The following IRF8 variants were observed in gnomAD, a reference collection of about 807,000 sequenced individuals.
IRF8 encodes interferon regulatory factor 8.
In IRF8, 14 loss-of-function variants were observed where a neutral mutation model predicts 48.7. That is an observed-to-expected ratio of 0.29 (90% confidence interval 0.19 to 0.45). The LOEUF is 0.45. Among genes scored for constraint, IRF8 ranks in the 20% least tolerant of loss-of-function variants. The probability of loss-of-function intolerance (pLI) is 1.00; values close to 1 mark genes in which losing one functional copy is unlikely to be tolerated. For missense variants in IRF8, 493 were observed against 580.7 expected (o/e 0.85, Z 1.55); for synonymous variants, 278 against 227.3 (o/e 1.22, Z -2.01).
chr16:85,905,075 C>T (rs9940980), intron 2 of IRF8, among the ~76,000 whole-genome samples: 27,612 of 152,020 alleles, frequency 0.18, 2,944 homozygotes, highest in African/African-American at 0.29. Context: ...ATCCCCTCCC[C>T]TACTGTCACA....
intron 3 of IRF8, among the ~76,000 whole-genome samples, chr16:85,911,193 C>T (rs1005678149): frequency 5.9e-5 from 9 of 152,238 alleles, no homozygotes; most frequent in East Asian, 1.9e-4. Context: ...GCCAGGAAAT[C>T]GGTGAGTGTT....
At chr16:85,905,548 C>G (rs1567470821) in intron 2 of IRF8, among the ~76,000 whole-genome samples, 1 of 152,166 alleles carries the variant, frequency 6.6e-6, no homozygotes, top group Non-Finnish European at 1.5e-5. Context: ...ACGCGGGTGC[C>G]CACTGGAGCA....
At chr16:85,917,069 A>G (rs1018369964) in intron 6 of IRF8, among the ~76,000 whole-genome samples, 2 of 152,132 alleles carry the variant, frequency 1.3e-5, no homozygotes, top group African/African-American at 4.8e-5. Flanking sequence ...TAAGGCAGGG[A>G]GCAGAGCCCA....
chr16:85,920,618 A>C (rs1905522220), intron 8 of IRF8, among the ~76,000 whole-genome samples: 1 of 152,194 alleles, frequency 6.6e-6, no homozygotes, highest in South Asian at 2.1e-4. Flanking sequence ...AGAAGAGGAC[A>C]CAAGGACAAG....
intron 3 of IRF8, chr16:85,909,950 C>G (rs1005480831): frequency 6.6e-6 from 1 of 152,242 alleles, no homozygotes; most frequent in African/African-American, 2.4e-5. Context: ...TAGAATAACC[C>G]ACTCTGGCTT....
Position 85,921,131 on chromosome 16 carries a change from T to C in IRF8, c.1130T>C (p.Leu377Pro). Residue 377 changes from leucine (L) to proline (P), a missense_variant, in exon 9 of 9, where the codon CTG becomes CCG. This residue lies in a region of IRF8 where 408 missense variants were observed against 449.6 expected (regional missense o/e 0.91). Coordinates refer to ENST00000268638, the MANE Select transcript of IRF8 (RefSeq NM_002163.4). Reference protein sequence around the residue: ...VQIEQLYVRQLAEEAGKSCGA... With the variant: ...VQIEQLYVRQPAEEAGKSCGA... ...ATTGAGCAGCTGTATGTCCGGCAAC[T>C]GGCAGAAGAGGCTGGGAAGAGCTGT... The C allele has an allele frequency of 6.2e-7, 1 of 1,613,992 alleles. No homozygotes were observed. The highest frequency in any genetic ancestry group is 8.5e-7 in the Non-Finnish European group (1 of 1,179,950).
At position 85,920,239 on chromosome 16, in the gene IRF8, CTTTTTTTTTTTT is replaced by C. The variant is rs10604224; in HGVS notation, c.1104+29_1104+40del. ...TTCTCGTGCAGGTAAGTATGGGCAG[CTTTTTTTTTTTT>C]TTTTTTTTTTTTTGAGATGGAGTCT... On this transcript the variant is annotated intron_variant, in intron 8 of 8. Transcript: ENST00000268638. 40 of 488,504 alleles carry C rather than the reference CTTTTTTTTTTTT, an allele frequency of 8.2e-5. No homozygotes were observed. The highest frequency in any genetic ancestry group is 1.4e-4 in the African/African-American group (4 of 27,736). The allele number at this position is 488,504 out of a possible 1,614,324, so 30.3% of individuals were successfully genotyped here.
In IRF8 at chr16:85,911,795, T is replaced by A. The variant is rs554474322; in HGVS notation, c.447+137T>A. ...GCTGAGGAAGTGGCATCTCCACCTG[T>A]ACAGATCTGGAACGGAAGGACTGGC... On this transcript the variant is annotated intron_variant, in intron 4 of 8. Coordinates refer to ENST00000268638, the MANE Select transcript of IRF8 (RefSeq NM_002163.4). 2.1e-5 allele frequency: 15 copies of A among 724,052 alleles called. No individual in the cohort carries two copies. In the Admixed American group the frequency reaches 2.7e-4, roughly 13 times the overall value. 44.9% of individuals were successfully genotyped at this position (724,052 alleles called of 1,614,324 possible).
intron 2 of IRF8, among the ~76,000 whole-genome samples, chr16:85,906,681 A>G (rs2152100027): frequency 6.6e-6 from 1 of 152,346 alleles, no homozygotes; most frequent in Non-Finnish European, 1.5e-5. Context: ...CGTTGCCATG[A>G]AATCTGTGCA....
intron 1 of IRF8, among the ~76,000 whole-genome samples, chr16:85,900,236 G>A (rs950880073): frequency 6.6e-6 from 1 of 152,162 alleles, no homozygotes; most frequent in Non-Finnish European, 1.5e-5. Flanking sequence ...GCTCAGGTGT[G>A]ACCTGTAATC....
At chr16:85,907,572 G>T (rs1905040769) in intron 2 of IRF8, among the ~76,000 whole-genome samples, 1 of 152,206 alleles carries the variant, frequency 6.6e-6, no homozygotes, top group African/African-American at 2.4e-5. Flanking sequence ...CAGCTACTTG[G>T]GAGGCTGAGG....
intron 1 of IRF8, among the ~76,000 whole-genome samples, chr16:85,900,440 T>C (rs1904793983): frequency 6.6e-6 from 1 of 152,274 alleles, no homozygotes; most frequent in Admixed American, 6.5e-5. Context: ...TTTGTTAATG[T>C]TTAATAAATC....
chr16:85,901,029 C>T (rs1005608033), intron 1 of IRF8: 5 of 152,202 alleles, frequency 3.3e-5, no homozygotes, highest in African/African-American at 9.7e-5. Context: ...TTCTGGCCAC[C>T]TCTGTGCAGC....
chr16:85,920,374 G>T (rs1905511150), intron 8 of IRF8, 150 bp downstream of exon 8: 2 of 639,032 alleles, frequency 3.1e-6, no homozygotes, highest in African/African-American at 3.7e-5. Flanking sequence ...AGCCTCCCGA[G>T]TTGCTGGGAC....
At chr16:85,910,448 G>A (rs1905111443) in intron 3 of IRF8, among the ~76,000 whole-genome samples, 2 of 152,174 alleles carry the variant, frequency 1.3e-5, no homozygotes, top group Non-Finnish European at 2.9e-5. Flanking sequence ...GAAAGGCTAA[G>A]CAGTCATCTT....
At position 85,918,783 on chromosome 16, in the gene IRF8, A is replaced by C. The variant is rs756483517; in HGVS notation, c.968A>C (p.Asp323Ala). Residue 323 changes from aspartate to alanine, a missense_variant, in exon 7 of 9, where the codon GAC becomes GCC. Around this residue, in one of 3 missense-constraint regions of IRF8, gnomAD observed 408 missense variants for 449.6 expected, o/e 0.91. Coordinates refer to ENST00000268638, the MANE Select transcript of IRF8 (RefSeq NM_002163.4). ...LERDEVVQVF[D>A]TSQFFRELQQ... The stretch of plus-strand genomic sequence containing the variant: ...CGTGATGAGGTGGTCCAGGTCTTCG[A>C]CACCAGCCAGTTCTTCCGAGGTCTG... 1 of 1,609,948 alleles carries C rather than the reference A, an allele frequency of 6.2e-7. No individual in the cohort carries two copies. The highest frequency in any genetic ancestry group is 8.5e-7 in the Non-Finnish European group (1 of 1,180,010).
At chr16:85,913,299 A>G (rs1905200935) in intron 5 of IRF8, 63 bp downstream of exon 5, 4 of 1,183,646 alleles carry the variant, frequency 3.4e-6, no homozygotes, top group Non-Finnish European at 5.1e-6. Flanking sequence ...GCATTCCACC[A>G]GCCAGGGACG....
chr16:85,909,226 C>G, intron 3 of IRF8, 53 bp downstream of exon 3: 1 of 1,501,802 alleles, frequency 6.7e-7, no homozygotes, highest in Non-Finnish European at 9.2e-7. Context: ...TGGCCTGTAG[C>G]CTTCACCACA....
intron 6 of IRF8, among the ~76,000 whole-genome samples, chr16:85,914,766 C>CTG (rs1905249926): frequency 6.6e-6 from 1 of 150,948 alleles, no homozygotes; most frequent in African/African-American, 2.4e-5. Context: ...GTCGAGGCTC[C>CTG]GTTCCGAGGA....
Sources: allele counts gnomAD v4.1 joint callset (sites outside exome capture counted in the v4.1 genomes callset), GRCh38; gene constraint gnomAD v4.1.1; regional missense constraint gnomAD v4.1.1; transcripts MANE v1.5; gene names NCBI Gene and HGNC (gene_info 2026-07-23, HGNC 2026-07-21).